COL4A6: variants seen among roughly 807,000 people sequenced by gnomAD.
COL4A6 encodes collagen type IV alpha 6 chain, also known as collagen alpha-6(IV) chain.
COL4A6 carries 59 observed loss-of-function variants against 126.7 expected under a neutral mutation model. That is an observed-to-expected ratio of 0.47 (90% CI 0.38 to 0.58). The LOEUF (loss-of-function observed/expected upper bound fraction) is 0.58. Among genes scored for constraint, COL4A6 ranks in the 20% least tolerant of loss-of-function variants. The pLI, the probability that COL4A6 is intolerant of heterozygous loss-of-function variation, is 0.00. For missense variants in COL4A6, 1,285 were observed against 1,337.3 expected, an observed-to-expected ratio of 0.96 and a Z score of 0.61; for synonymous variants, 547 against 496.6, an observed-to-expected ratio of 1.10 and a Z score of -1.35.
intron 3 of COL4A6, among the ~76,000 whole-genome samples, chrX:108,248,828 T>C (rs758768499): frequency 8.4e-4 from 93 of 110,305 alleles, no homozygotes; most frequent in African/African-American, 2.9e-3. Flanking sequence ...TTACAGCAGC[T>C]TCCCATCACA....
chrX:108,275,534 T>C (rs372406344), intron 3 of COL4A6, among the ~76,000 whole-genome samples: 1 of 112,749 alleles, frequency 8.9e-6, no homozygotes, highest in South Asian at 3.7e-4. Context: ...TCCTCTTGCT[T>C]TTGAAATCCC....
At chrX:108,186,602 A>G (rs2034869160) in intron 23 of COL4A6, among the ~76,000 whole-genome samples, 1 of 111,831 alleles carries the variant, frequency 8.9e-6, no homozygotes, top group South Asian at 3.7e-4. Context: ...AAGTTATATA[A>G]AGAGGAAGGA....
In COL4A6 at chrX:108,170,630, G is replaced by C. The variant is rs1168518437; in HGVS notation, c.3472C>G (p.Pro1158Ala). The change falls in exon 35 of 45, where the codon CCC becomes GCC. Residue 1158 changes from proline (P) to alanine (A), a missense_variant. Coordinates refer to ENST00000334504, the MANE Select transcript of COL4A6 (RefSeq NM_033641.4). The stretch of plus-strand genomic sequence containing the variant: ...ATACCTTTGGGTCCTATTAATCCGG[G>C]GGATCCTAGAGGCCCAATTGCCCCT... ...HQGAIGPLGS[P>A]GLIGPKGFPG... The C allele has an allele frequency of 2.5e-6, 3 of 1,202,174 alleles. No individual in the cohort carries two copies. The highest frequency in any genetic ancestry group is 3.4e-6 in the Non-Finnish European group (3 of 892,532).
intron 13 of COL4A6, among the ~76,000 whole-genome samples, chrX:108,202,340 A>T: frequency 8.9e-6 from 1 of 111,919 alleles, no homozygotes; most frequent in Non-Finnish European, 1.9e-5. Context: ...ATTACAATGT[A>T]ATCTCAAGGA....
chrX:108,172,262 A>G (rs2034328903), intron 32 of COL4A6, among the ~76,000 whole-genome samples: 1 of 106,607 alleles, frequency 9.4e-6, no homozygotes, highest in Non-Finnish European at 1.9e-5. Flanking sequence ...AGGCAGGAGA[A>G]TCGCTTGAAC....
At chrX:108,357,760 C>T (rs913801361) in intron 2 of COL4A6, among the ~76,000 whole-genome samples, 1 of 110,400 alleles carries the variant, frequency 9.1e-6, no homozygotes, top group Non-Finnish European at 1.9e-5. Flanking sequence ...TCCCTCTCCC[C>T]CTTCTCTTGG....
Position 108,161,599 on chromosome X carries a change from C to CAAAAA in COL4A6, c.4333+19_4333+20insTTTTT. The CAAAAA allele has an allele frequency of 2.3e-6, 2 of 887,948 alleles. No homozygotes were observed. Among genetic ancestry groups the CAAAAA allele is most frequent in the Non-Finnish European group, 3.1e-6 (2 of 642,131 alleles). 73.2% of individuals were successfully genotyped at this position (887,948 alleles called of 1,213,427 possible). On this transcript the variant is annotated intron_variant, in intron 42 of 44. Coordinates refer to ENST00000334504, the MANE Select transcript of COL4A6 (RefSeq NM_033641.4). ...CCACCATCCCCGCCCCGCCCGCCTCCTAATGTGGCATCATCAGACCTTCAA... is the reference window on the plus strand; with the variant it reads ...CCACCATCCCCGCCCCGCCCGCCTCCAAAAATAATGTGGCATCATCAGACCTTCAA...
chrX:108,320,222 G>A (rs999961309), intron 2 of COL4A6, among the ~76,000 whole-genome samples: 1 of 111,880 alleles, frequency 8.9e-6, no homozygotes, highest in Non-Finnish European at 1.9e-5. Context: ...GAGAAGGCAT[G>A]AACTAGGGAA....
At chrX:108,290,313 C>G (rs1444115932) in intron 3 of COL4A6, among the ~76,000 whole-genome samples, 1 of 111,993 alleles carries the variant, frequency 8.9e-6, no homozygotes, top group African/African-American at 3.2e-5. Context: ...AGGGCTTGAC[C>G]AGGAGACAAA....
At chrX:108,214,019 C>T in intron 6 of COL4A6, 93 bp downstream of exon 6, 1 of 746,581 alleles carries the variant, frequency 1.3e-6, no homozygotes, top group East Asian at 3.2e-5. Context: ...GGCTGCCCCA[C>T]AAAATCTTGA....
At position 108,170,638 on chromosome X, in the gene COL4A6, A is replaced by G. The variant is rs2034270654; in HGVS notation, c.3464T>C (p.Leu1155Pro). The change falls in exon 35 of 45, where the codon CTA becomes CCA. Residue 1155 changes from leucine to proline, a missense_variant. By Grantham distance (98) the Leu-to-Pro change is moderately conservative. Coordinates refer to ENST00000334504, the MANE Select transcript of COL4A6 (RefSeq NM_033641.4). The part of the protein sequence containing the change: ...SSGHQGAIGP[L>P]GSPGLIGPKG... ...GGGTCCTATTAATCCGGGGGATCCT[A>G]GAGGCCCAATTGCCCCTTGGTGACC... The G allele has an allele frequency of 1.7e-6, 2 of 1,205,262 alleles. No individual in the cohort carries two copies. Among genetic ancestry groups the G allele is most frequent in the African/African-American group, 3.5e-5 (2 of 57,405 alleles).
At chrX:108,370,685 A>C (rs1223289091) in intron 2 of COL4A6, among the ~76,000 whole-genome samples, 1 of 110,983 alleles carries the variant, frequency 9.0e-6, no homozygotes, top group Non-Finnish European at 1.9e-5. Context: ...GATTTGGTCC[A>C]CATCCAAACT....
At chrX:108,255,357 T>C (rs1443126325) in intron 3 of COL4A6, among the ~76,000 whole-genome samples, 4 of 110,229 alleles carry the variant, frequency 3.6e-5, no homozygotes, top group African/African-American at 1.3e-4. Flanking sequence ...CTCCACACTT[T>C]AGTAACTTTA....
chrX:108,357,110 A>T (rs954671952), intron 2 of COL4A6, among the ~76,000 whole-genome samples: 1 of 111,810 alleles, frequency 8.9e-6, no homozygotes, highest in Admixed American at 9.5e-5. Context: ...CCTTCTCAAC[A>T]TACATACATA....
intron 2 of COL4A6, among the ~76,000 whole-genome samples, chrX:108,391,824 C>T (rs569163819): frequency 1.8e-5 from 2 of 112,445 alleles, no homozygotes; most frequent in South Asian, 7.4e-4. Context: ...TTTGGCTCGC[C>T]CTTCATGGGC....
chrX:108,191,270 G>C (rs946894154), intron 19 of COL4A6, 123 bp downstream of exon 19: 4 of 865,340 alleles, frequency 4.6e-6, no homozygotes, highest in Non-Finnish European at 6.5e-6. Flanking sequence ...CTGCCCCTCT[G>C]CAATTATCAT....
At chrX:108,330,456 C>A (rs2039270395) in intron 2 of COL4A6, among the ~76,000 whole-genome samples, 1 of 111,577 alleles carries the variant, frequency 9.0e-6, no homozygotes, top group Admixed American at 9.6e-5. Flanking sequence ...AGCTTGCATC[C>A]TTGGGAATAA....
chrX:108,376,360 C>T (rs188948717), intron 2 of COL4A6, among the ~76,000 whole-genome samples: 143 of 109,660 alleles, frequency 1.3e-3, no homozygotes, highest in African/African-American at 4.1e-3. Context: ...TTTGGGAGGC[C>T]GAGGTGGATG....
Position 108,205,499 on chromosome X carries a change from G to A in COL4A6, c.646-19C>T, listed in dbSNP as rs1354158442. 1.2e-5 allele frequency: 14 copies of A among 1,177,238 alleles called. No homozygotes were observed. Among genetic ancestry groups the A allele is most frequent in the Non-Finnish European group, 1.5e-5 (13 of 869,643 alleles). On this transcript the variant is annotated intron_variant, in intron 10 of 44. Coordinates refer to ENST00000334504, the MANE Select transcript of COL4A6 (RefSeq NM_033641.4). Reference sequence around the variant, plus strand: ...TATTCCCCTAGGGAATAGGGATATAGGGAGGAAAAACAAAATCGATTACTA... The same window carrying A: ...TATTCCCCTAGGGAATAGGGATATAAGGAGGAAAAACAAAATCGATTACTA...
Sources: gnomAD v4.1 joint callset for allele counts (sites outside exome capture counted in the v4.1 genomes callset) on GRCh38, gnomAD v4.1.1 for gene constraint, MANE v1.5 for transcripts, NCBI Gene and HGNC (gene_info 2026-07-23, HGNC 2026-07-21) for gene names.